The following SNED1 variants were observed in gnomAD, a reference collection of about 807,000 sequenced individuals.
The protein encoded by SNED1 is sushi, nidogen and EGF like domains 1, also known as sushi, nidogen and EGF-like domain-containing protein 1.
A neutral mutation model predicts 166.7 loss-of-function variants in SNED1; 81 were observed. That is an observed-to-expected ratio of 0.49 (90% confidence interval 0.41 to 0.58). The LOEUF is 0.58. Ranked by LOEUF, SNED1 falls within the 20% of genes least tolerant of loss-of-function variation. SNED1 has a pLI of 0.00. For synonymous variants in SNED1, 762 were observed against 822.0 expected (o/e 0.93, Z 1.25); for missense variants, 1,604 against 2,000.2 (o/e 0.80, Z 3.78).
intron 16 of SNED1, among the ~76,000 whole-genome samples, chr2:241,057,519 C>A (rs192537791): frequency 6.6e-6 from 1 of 150,552 alleles, no homozygotes; most frequent in Admixed American, 6.6e-5. Context: ...CCCAACTCTA[C>A]AAAAAACTTT....
chr2:241,067,999 C>A, intron 22 of SNED1, 52 bp downstream of exon 22: 1 of 1,498,736 alleles, frequency 6.7e-7, no homozygotes, highest in Non-Finnish European at 9.2e-7. Context: ...GGGGTGGGGG[C>A]TCGGGGACAC....
chr2:241,069,120 A>G lies in SNED1; in HGVS notation c.3307+97A>G. Reference sequence around the variant, plus strand: ...CCCTAGTCCTCTCCAAAGCGTCCACAACACCAGAAACCCAGCCCCTGGCCT... The same window carrying G: ...CCCTAGTCCTCTCCAAAGCGTCCACGACACCAGAAACCCAGCCCCTGGCCT... On this transcript the variant is annotated intron_variant, in intron 23 of 31. Transcript: ENST00000310397. The surrounding 1 kb of genome is among the most constrained non-coding windows in gnomAD (Gnocchi z 4.9). 1 of 778,930 alleles carries G rather than the reference A, an allele frequency of 1.3e-6. No homozygotes were observed. The highest frequency in any genetic ancestry group is 2.0e-6 in the Non-Finnish European group (1 of 498,862). The allele number at this position is 778,930 out of a possible 1,614,324, so 48.3% of individuals were successfully genotyped here. A position where few individuals can be genotyped will look rare whatever the true frequency, so the allele number is the denominator to read the frequency against.
chr2:241,045,601 A>G (rs1474126183), intron 8 of SNED1, among the ~76,000 whole-genome samples: 1 of 148,366 alleles, frequency 6.7e-6, no homozygotes, highest in Non-Finnish European at 1.5e-5. Context: ...TTATATGTAT[A>G]AAAAAAAAAC....
Position 241,069,968 on chromosome 2 carries a change from C to G in SNED1, c.3356C>G (p.Ser1119Cys), listed in dbSNP as rs767215716. 2 of 1,613,016 alleles carry G rather than the reference C, an allele frequency of 1.2e-6. No homozygotes were observed. The highest frequency in any genetic ancestry group is 1.7e-6 in the Non-Finnish European group (2 of 1,179,890). ...ACCGCCGCCCGAGTCACTGCCACCT[C>G]TGCCCACGTGGTCTGGGATGCCCCG... ...NLTAARVTAT[S>C]AHVVWDAPTP... is the part of the protein sequence containing the mutation. The change falls in exon 24 of 32, where the codon TCT (serine) becomes TGT (cysteine). Residue 1119 changes from serine (S) to cysteine (C), a missense_variant. By Grantham distance (112) the Ser-to-Cys change is moderately radical. This residue lies in a region of SNED1 where 1,237 missense variants were observed against 1,620.8 expected (regional missense o/e 0.76). Coordinates refer to ENST00000310397, the MANE Select transcript of SNED1 (RefSeq NM_001080437.3). The surrounding 1 kb of genome is among the most constrained non-coding windows in gnomAD (Gnocchi z 4.9).
intron 8 of SNED1, among the ~76,000 whole-genome samples, chr2:241,044,409 A>G (rs956224630): frequency 6.6e-6 from 1 of 152,200 alleles, no homozygotes; most frequent in African/African-American, 2.4e-5. Context: ...TCTCTCCCCC[A>G]CTGAATACAG....
chr2:241,026,009 C>CTTTTTTTTTTTTTTTTTTTTTTTT (rs71404676), intron 1 of SNED1, among the ~76,000 whole-genome samples: 5 of 73,574 alleles, frequency 6.8e-5, no homozygotes, highest in South Asian at 7.8e-4. Context: ...TTTTCTTTTC[C>CTTTTTTTTTTTTTTTTTTTTTTTT]TTTTTTTTTT....
Position 241,083,741 on chromosome 2 carries a change from C to A in SNED1, c.4121+1377C>A, listed in dbSNP as rs536063033. Among the ~76,000 whole-genome samples the A allele has an allele frequency of 8.7e-4, 133 of 152,278 alleles. No individual in the cohort carries two copies. The Middle Eastern group carries it at 0.01, about 12-fold the overall frequency. On this transcript the variant is annotated intron_variant, in intron 29 of 31. Transcript: ENST00000310397. ...TTCCTGAAAGCATTCTATCCTTTCA[C>A]TTTTAACCTATCTGCATATTTCAAG...
At chr2:241,063,986 G>A in intron 18 of SNED1, 26 bp from the exon 19 acceptor site, 2 of 1,500,692 alleles carry the variant, frequency 1.3e-6, no homozygotes, top group Non-Finnish European at 1.8e-6. Flanking sequence ...CTTGCAGCTT[G>A]GGCCCACTCT....
intron 1 of SNED1, among the ~76,000 whole-genome samples, chr2:241,016,600 C>G (rs35601274): frequency 0.29 from 43,844 of 152,068 alleles, 6,659 homozygotes; most frequent in Non-Finnish European, 0.35. Flanking sequence ...GTTGTCCATT[C>G]ATGTACTGTC....
At position 241,068,786 on chromosome 2, in the gene SNED1, G is replaced by A; in HGVS notation, c.3195-125G>A. ...AGTCTGCCCCTCGTGGAGGTTGCCT[G>A]GGCCACCAGCAGCAGGATGACCTCC... On this transcript the variant is annotated intron_variant, in intron 22 of 31. Transcript: ENST00000310397. The surrounding 1 kb of genome is among the most constrained non-coding windows in gnomAD (Gnocchi z 5.3). 1 of 667,202 alleles carries A rather than the reference G, an allele frequency of 1.5e-6. No individual in the cohort carries two copies. Among genetic ancestry groups the A allele is most frequent in the Non-Finnish European group, 2.6e-6 (1 of 385,318 alleles). 41.3% of individuals were successfully genotyped at this position (667,202 alleles called of 1,614,324 possible).
chr2:241,007,377 T>A (rs891936084), intron 1 of SNED1, among the ~76,000 whole-genome samples: 1 of 152,272 alleles, frequency 6.6e-6, no homozygotes, highest in Non-Finnish European at 1.5e-5. Context: ...CTACTTCATT[T>A]GTTCGTTCCT....
chr2:240,998,453 C>T (rs1209965380), upstream of SNED1, among the ~76,000 whole-genome samples: 1 of 152,200 alleles, frequency 6.6e-6, no homozygotes, highest in Non-Finnish European at 1.5e-5. Flanking sequence ...CGCGCGCCCG[C>T]AGAGCCCTCA....
At position 241,091,744 on chromosome 2, in the gene SNED1, A is replaced by C. The variant is rs2064020748; in HGVS notation, c.*108A>C. On this transcript the variant is annotated 3_prime_UTR_variant, in exon 32 of 32. Transcript: ENST00000310397. The surrounding 1 kb of genome is among the most constrained non-coding windows in gnomAD (Gnocchi z 4.1). Reference sequence around the variant, plus strand: ...AAAGGACACCCTGAGAAAAGGTCCTAGCTGGAGTCAGTCCCCTCTGTGACC... The same window carrying C: ...AAAGGACACCCTGAGAAAAGGTCCTCGCTGGAGTCAGTCCCCTCTGTGACC... The C allele has an allele frequency of 6.6e-6, 1 of 152,372 alleles. No individual in the cohort carries two copies. The allele number at this position is 152,372 out of a possible 1,614,324, so 9.4% of individuals were successfully genotyped here.
chr2:241,089,478 T>G lies in SNED1; in HGVS notation c.*1+1076T>G, dbSNP rs1393391981. 9.9e-6 allele frequency: 15 copies of G among 1,517,186 alleles called. No individual in the cohort carries two copies. In the Admixed American group the frequency reaches 3.2e-4, roughly 32 times the overall value. The allele number at this position is 1,517,186 out of a possible 1,614,324, so 94.0% of individuals were successfully genotyped here. A position where few individuals can be genotyped will look rare whatever the true frequency, so the allele number is the denominator to read the frequency against. ...CAAAGGAAGAGTGTCCACACCCCCT[T>G]GGGGGAAAGGTCTGGGCCGGAGCTC... On this transcript the variant is annotated intron_variant, in intron 31 of 31. Coordinates refer to ENST00000310397, the MANE Select transcript of SNED1 (RefSeq NM_001080437.3).
At chr2:241,079,899 A>G (rs1003277857) in intron 27 of SNED1, among the ~76,000 whole-genome samples, 2 of 152,256 alleles carry the variant, frequency 1.3e-5, no homozygotes, top group Non-Finnish European at 2.9e-5. Context: ...AAATGATTGC[A>G]TGTATATGGT....
intron 30 of SNED1, 119 bp downstream of exon 30, chr2:241,087,594 CCAGA>C: frequency 6.9e-7 from 1 of 1,452,480 alleles, no homozygotes; most frequent in Non-Finnish European, 9.1e-7. Context: ...GTCTACTCGC[CCAGA>C]TAGGCAGCCC....
chr2:241,035,465 C>G (rs964077931), intron 4 of SNED1: 1 of 152,240 alleles, frequency 6.6e-6, no homozygotes, highest in Non-Finnish European at 1.5e-5. Context: ...AAGGAGCCTT[C>G]AGAAATCACT....
chr2:241,049,355 G>T (rs1338069322), intron 11 of SNED1, among the ~76,000 whole-genome samples: 1 of 152,194 alleles, frequency 6.6e-6, no homozygotes, highest in Admixed American at 6.5e-5. Context: ...AAGCACTTCT[G>T]CAAGTATACA....
chr2:241,052,914 G>T (rs1267366513), intron 15 of SNED1, among the ~76,000 whole-genome samples: 1 of 151,354 alleles, frequency 6.6e-6, no homozygotes, highest in Non-Finnish European at 1.5e-5. Context: ...CTAGAGGGGG[G>T]TCAAGTGGGG....
Sources: gnomAD v4.1 joint callset for allele counts (sites outside exome capture counted in the v4.1 genomes callset) on GRCh38, gnomAD v4.1.1 for gene constraint, gnomAD v4.1.1 regional missense constraint, Gnocchi (gnomAD v3.1) non-coding constraint, MANE v1.5 for transcripts, NCBI Gene and HGNC (gene_info 2026-07-23, HGNC 2026-07-21) for gene names.